ORC4: variants seen among roughly 807,000 people sequenced by gnomAD.
ORC4 encodes origin recognition complex, subunit 4 homolog.
In ORC4, 55 loss-of-function variants were observed where a neutral mutation model predicts 63.9. The ratio of observed to expected loss-of-function variants is 0.86; its 90% CI spans 0.69 to 1.08. The LOEUF is 1.08. Ranked by LOEUF, ORC4 falls within the 50% of genes least tolerant of loss-of-function variation. The pLI, the probability that ORC4 is intolerant of heterozygous loss-of-function variation, is 0.00. For synonymous variants in ORC4, 150 were observed against 168.5 expected (o/e 0.89, Z 0.85); for missense variants, 511 against 504.4 (o/e 1.01, Z -0.13).
chr2:148,012,640 A>T (rs916760614), intron 1 of ORC4, among the ~76,000 whole-genome samples: 13 of 152,190 alleles, frequency 8.5e-5, no homozygotes, highest in African/African-American at 3.1e-4. Context: ...CAGCAATGAA[A>T]ACAATAAAAT....
At chr2:147,987,886 T>C (rs1218431851) in intron 1 of ORC4, among the ~76,000 whole-genome samples, 1 of 151,840 alleles carries the variant, frequency 6.6e-6, no homozygotes, top group African/African-American at 2.4e-5. Context: ...ACCCCATCTC[T>C]ACTAAAAATA....
At position 147,948,268 on chromosome 2, in the gene ORC4, T is replaced by TA. The variant is rs773800798; in HGVS notation, c.589-45dup. ...TCTCTATAAGGAAGATGAATGTTTT[T>TA]AAAAAAACAAAAACACTGTACCAAT... is the stretch of plus-strand genomic sequence containing the variant. On this transcript the variant is annotated intron_variant, in intron 8 of 13. Coordinates refer to ENST00000392857, the MANE Select transcript of ORC4 (RefSeq NM_181741.4). 19 of 1,386,574 alleles carry TA rather than the reference T, an allele frequency of 1.4e-5. No individual in the cohort carries two copies. In the African/African-American group the frequency reaches 2.2e-4, roughly 16 times the overall value. 85.9% of individuals were successfully genotyped at this position (1,386,574 alleles called of 1,614,324 possible). A position where few individuals can be genotyped will look rare whatever the true frequency, so the allele number is the denominator to read the frequency against.
At chr2:147,959,747 T>C (rs1384783404) in intron 4 of ORC4, among the ~76,000 whole-genome samples, 4 of 152,154 alleles carry the variant, frequency 2.6e-5, no homozygotes, top group African/African-American at 9.6e-5. Flanking sequence ...CTGCATGGTT[T>C]TTAAAGCATA....
chr2:147,969,066 A>G (rs949934887), intron 4 of ORC4, among the ~76,000 whole-genome samples: 2 of 152,064 alleles, frequency 1.3e-5, no homozygotes, highest in Admixed American at 1.3e-4. Context: ...TCACTCATCT[A>G]TGGAAGCCAA....
intron 4 of ORC4, among the ~76,000 whole-genome samples, chr2:147,965,437 A>T (rs1345082648): frequency 6.6e-6 from 1 of 152,198 alleles, no homozygotes; most frequent in African/African-American, 2.4e-5. Flanking sequence ...AAGATATCCT[A>T]TGAAAATGGA....
rs776839519 is a variant in ORC4, at chr2:147,935,492, T to A, written c.*18A>T. ...AGAAGTATGAATGAAATGCCAAAGT[T>A]GAAGTCACTGGTTATATTCATAACC... On this transcript the variant is annotated 3_prime_UTR_variant, in exon 14 of 14. Transcript: ENST00000392857. 2.4e-5 allele frequency: 39 copies of A among 1,596,850 alleles called. No homozygotes were observed. In the Admixed American group the frequency reaches 6.5e-4, roughly 27 times the overall value.
chr2:147,969,655 T>A (rs937449144), intron 4 of ORC4, among the ~76,000 whole-genome samples: 19 of 151,592 alleles, frequency 1.3e-4, no homozygotes, highest in African/African-American at 4.6e-4. Context: ...ATGGTAGACA[T>A]GGAAAAATGA....
chr2:147,951,905 G>A (rs1314488030), intron 8 of ORC4, among the ~76,000 whole-genome samples: 1 of 152,168 alleles, frequency 6.6e-6, no homozygotes, highest in South Asian at 2.1e-4. Flanking sequence ...ATATCCCATG[G>A]AATGAAGAAG....
At chr2:147,942,410 A>G (rs534136515) in intron 10 of ORC4, among the ~76,000 whole-genome samples, 98 of 152,238 alleles carry the variant, frequency 6.4e-4, no homozygotes, top group African/African-American at 2.3e-3. Context: ...AAAACATCAT[A>G]ACCAGGTAGG....
intron 1 of ORC4, among the ~76,000 whole-genome samples, chr2:148,008,772 G>T (rs553489786): frequency 6.6e-6 from 1 of 152,134 alleles, no homozygotes; most frequent in African/African-American, 2.4e-5. Flanking sequence ...GGCCACATAC[G>T]TCAGGGATTA....
intron 1 of ORC4, among the ~76,000 whole-genome samples, chr2:147,996,383 G>A (rs1573872534): frequency 6.6e-6 from 1 of 152,116 alleles, no homozygotes; most frequent in Admixed American, 6.5e-5. Flanking sequence ...ATGGCCATGT[G>A]TTTTTAGATA....
At chr2:148,018,484 T>C (rs982102888) in intron 1 of ORC4, among the ~76,000 whole-genome samples, 6 of 152,210 alleles carry the variant, frequency 3.9e-5, no homozygotes, top group Non-Finnish European at 7.3e-5. Context: ...CATAATAGCA[T>C]TGTTCATAAC....
intron 4 of ORC4, among the ~76,000 whole-genome samples, chr2:147,971,818 G>A (rs1053687392): frequency 2.0e-5 from 3 of 151,912 alleles, no homozygotes; most frequent in Non-Finnish European, 2.9e-5. Flanking sequence ...ATATATAAAT[G>A]TGACAATTTG....
At chr2:147,997,777 T>C (rs911919922) in intron 1 of ORC4, among the ~76,000 whole-genome samples, 7 of 152,182 alleles carry the variant, frequency 4.6e-5, no homozygotes, top group African/African-American at 1.4e-4. Flanking sequence ...GTATATTATG[T>C]TTGTAACTTT....
intron 1 of ORC4, among the ~76,000 whole-genome samples, chr2:148,000,059 A>C (rs997461525): frequency 2.0e-5 from 3 of 151,420 alleles, no homozygotes; most frequent in Non-Finnish European, 1.5e-5. Flanking sequence ...GAAAGTATGA[A>C]GAAAAAAAAA....
chr2:148,013,850 T>C (rs1693113182), intron 1 of ORC4, among the ~76,000 whole-genome samples: 1 of 152,200 alleles, frequency 6.6e-6, no homozygotes. Flanking sequence ...AGGACCAACC[T>C]TTCTGCTGAC....
intron 6 of ORC4, among the ~76,000 whole-genome samples, chr2:147,956,245 T>C (rs1361905477): frequency 6.6e-6 from 1 of 152,088 alleles, no homozygotes; most frequent in Non-Finnish European, 1.5e-5. Context: ...GTTTTAAAAC[T>C]TTCACATATT....
In ORC4 at chr2:147,935,208, G is replaced by C. The variant is rs1687982073; in HGVS notation, c.*302C>G. 3.1e-6 allele frequency: 1 copy of C among 323,930 alleles called. No homozygotes were observed. Among genetic ancestry groups the C allele is most frequent in the African/African-American group, 2.1e-5 (1 of 46,984 alleles). The allele number at this position is 323,930 out of a possible 1,614,324, so 20.1% of individuals were successfully genotyped here. A position where few individuals can be genotyped will look rare whatever the true frequency, so the allele number is the denominator to read the frequency against. On this transcript the variant is annotated 3_prime_UTR_variant, in exon 14 of 14. Transcript: ENST00000392857. ...AGACATCTAGCTGTTAGGTTGAAGT[G>C]AGCTCTTCAAATAGACCATTATATA...
intron 1 of ORC4, among the ~76,000 whole-genome samples, chr2:148,003,819 T>C (rs973986590): frequency 1.3e-5 from 2 of 152,146 alleles, no homozygotes; most frequent in Non-Finnish European, 2.9e-5. Context: ...GGAAGTCAAA[T>C]TGTCTGTTTG....
Sources: gnomAD v4.1 joint callset for allele counts (sites outside exome capture counted in the v4.1 genomes callset) on GRCh38, gnomAD v4.1.1 for gene constraint, MANE v1.5 for transcripts, NCBI Gene and HGNC (gene_info 2026-07-23, HGNC 2026-07-21) for gene names.